GUCY1A2: variants seen among roughly 807,000 people sequenced by gnomAD.
GUCY1A2 encodes guanylate cyclase soluble subunit alpha-2.
In GUCY1A2, 27 loss-of-function variants were observed where a neutral mutation model predicts 63.5. The observed-to-expected ratio is 0.43, with a 90% confidence interval of 0.31 to 0.59. The LOEUF (loss-of-function observed/expected upper bound fraction) is 0.59. Ranked by LOEUF, GUCY1A2 falls within the 20% of genes least tolerant of loss-of-function variation. GUCY1A2 has a pLI of 0.11. For missense variants in GUCY1A2, 768 were observed against 913.3 expected, an observed-to-expected ratio of 0.84 and a Z score of 2.05; for synonymous variants, 364 against 343.5, an observed-to-expected ratio of 1.06 and a Z score of -0.66.
intron 4 of GUCY1A2, among the ~76,000 whole-genome samples, chr11:106,919,447 T>G (rs1156992325): frequency 2.0e-5 from 3 of 152,166 alleles, no homozygotes; most frequent in Admixed American, 2.0e-4. Context: ...GTGATAATCA[T>G]TTCATAATAT....
At chr11:106,827,257 T>C in intron 4 of GUCY1A2, 1 of 1,550,930 alleles carries the variant, frequency 6.4e-7, no homozygotes, top group Non-Finnish European at 8.9e-7. Flanking sequence ...TTCAGTTGTA[T>C]ATCTGGTTCT....
chr11:106,789,810 A>G (rs747143047), intron 5 of GUCY1A2, among the ~76,000 whole-genome samples: 4 of 152,206 alleles, frequency 2.6e-5, no homozygotes, highest in Non-Finnish European at 5.9e-5. Flanking sequence ...TATCTGGATT[A>G]CCAGGCAGAG....
chr11:106,915,372 A>G (rs1010796860), intron 4 of GUCY1A2, among the ~76,000 whole-genome samples: 1 of 152,070 alleles, frequency 6.6e-6, no homozygotes, highest in African/African-American at 2.4e-5. Flanking sequence ...CTCTGTTACA[A>G]GGTATCTGTA....
intron 7 of GUCY1A2, among the ~76,000 whole-genome samples, chr11:106,704,462 C>T (rs1862872107): frequency 6.6e-6 from 1 of 152,174 alleles, no homozygotes; most frequent in Admixed American, 6.5e-5. Context: ...AGCTCATGCA[C>T]TTCACCACTG....
Position 107,004,878 on chromosome 11 carries a change from G to A in GUCY1A2, c.303+12875C>T, listed in dbSNP as rs148658589. Among the ~76,000 whole-genome samples, 45 of 152,272 alleles carry A rather than the reference G, an allele frequency of 3.0e-4. 1 individual carries two copies. Among genetic ancestry groups the A allele is most frequent in the African/African-American group, 9.9e-4 (41 of 41,554 alleles). ...AACAATAGTCCTAAGGCAAAATGAT[G>A]CTTGCTTAGCATATTCAAGGAGTGC... On this transcript the variant is annotated intron_variant, in intron 1 of 7. Transcript: ENST00000526355.
At chr11:106,929,605 T>C (rs1222019476) in intron 4 of GUCY1A2, among the ~76,000 whole-genome samples, 1 of 152,170 alleles carries the variant, frequency 6.6e-6, no homozygotes, top group East Asian at 1.9e-4. Flanking sequence ...CGTGATCATA[T>C]TATTTACCTT....
At chr11:106,972,552 A>C (rs1861209589) in intron 3 of GUCY1A2, among the ~76,000 whole-genome samples, 1 of 152,110 alleles carries the variant, frequency 6.6e-6, no homozygotes, top group South Asian at 2.1e-4. Context: ...CAGAAACACA[A>C]ATTTAAAATT....
intron 4 of GUCY1A2, among the ~76,000 whole-genome samples, chr11:106,907,800 T>C (rs1328488653): frequency 6.6e-6 from 1 of 152,144 alleles, no homozygotes; most frequent in Non-Finnish European, 1.5e-5. Flanking sequence ...TAATCCAGTC[T>C]ATCATTGTTG....
intron 4 of GUCY1A2, among the ~76,000 whole-genome samples, chr11:106,814,420 C>T (rs1364045890): frequency 6.6e-6 from 1 of 152,094 alleles, no homozygotes; most frequent in African/African-American, 2.4e-5. Context: ...AAGCAGGAGA[C>T]AGTGCCCAGT....
chr11:106,867,625 A>G (rs1859613210), intron 4 of GUCY1A2, among the ~76,000 whole-genome samples: 1 of 152,094 alleles, frequency 6.6e-6, no homozygotes, highest in African/African-American at 2.4e-5. Context: ...TCCAAGTTCA[A>G]CGACACAGCA....
chr11:106,960,045 T>C (rs1861039508), intron 3 of GUCY1A2, among the ~76,000 whole-genome samples: 1 of 152,178 alleles, frequency 6.6e-6, no homozygotes, highest in Non-Finnish European at 1.5e-5. Context: ...TCCCATGCTG[T>C]AGCATAATCT....
chr11:106,966,148 C>T (rs1861124307), intron 3 of GUCY1A2, among the ~76,000 whole-genome samples: 1 of 152,052 alleles, frequency 6.6e-6, no homozygotes, highest in African/African-American at 2.4e-5. Context: ...CACTCTGTTG[C>T]CAAGGCTGGA....
intron 4 of GUCY1A2, among the ~76,000 whole-genome samples, chr11:106,828,647 G>T (rs1002931838): frequency 2.8e-4 from 43 of 152,232 alleles, no homozygotes; most frequent in African/African-American, 1.0e-3. Context: ...TGAAAAGAAG[G>T]CATGGAGAGG....
At chr11:106,738,725 GC>G (rs1383874234) in intron 6 of GUCY1A2, among the ~76,000 whole-genome samples, 1 of 152,020 alleles carries the variant, frequency 6.6e-6, no homozygotes, top group African/African-American at 2.4e-5. Context: ...TATTTCTGAG[GC>G]CTCTTTTCTT....
At chr11:106,764,294 A>G (rs1864119953) in intron 6 of GUCY1A2, among the ~76,000 whole-genome samples, 1 of 152,100 alleles carries the variant, frequency 6.6e-6, no homozygotes, top group Non-Finnish European at 1.5e-5. Flanking sequence ...GGAAAATTAA[A>G]GTTATTAGCT....
At chr11:106,698,284 AT>A (rs113286447) in intron 7 of GUCY1A2, among the ~76,000 whole-genome samples, 81 of 142,146 alleles carry the variant, frequency 5.7e-4, no homozygotes, top group Admixed American at 7.1e-4. Flanking sequence ...ATGTCTGGGG[AT>A]TTTTTTTTTT....
At chr11:106,744,242 T>G (rs1863747337) in intron 6 of GUCY1A2, among the ~76,000 whole-genome samples, 1 of 142,790 alleles carries the variant, frequency 7.0e-6, no homozygotes, top group African/African-American at 2.7e-5. Flanking sequence ...TCAACATAAA[T>G]GCTTTTTTTT....
chr11:106,790,631 G>T (rs765988943), intron 5 of GUCY1A2, among the ~76,000 whole-genome samples: 1 of 151,660 alleles, frequency 6.6e-6, no homozygotes, highest in African/African-American at 2.4e-5. Flanking sequence ...TTAGAGTCTT[G>T]CTTAAGGCCC....
chr11:106,945,173 G>C (rs771134309), intron 3 of GUCY1A2, among the ~76,000 whole-genome samples: 39 of 150,300 alleles, frequency 2.6e-4, no homozygotes, highest in Admixed American at 9.3e-4. Flanking sequence ...AAGAGAGAGA[G>C]AGATAAAGAA....
Sources: gnomAD v4.1 joint callset for allele counts (sites outside exome capture counted in the v4.1 genomes callset) on GRCh38, gnomAD v4.1.1 for gene constraint, MANE v1.5 for transcripts, NCBI Gene and HGNC (gene_info 2026-07-23, HGNC 2026-07-21) for gene names.